The following PTPRO variants were observed in gnomAD, a reference collection of about 807,000 sequenced individuals.
The protein encoded by PTPRO is receptor-type tyrosine-protein phosphatase O.
A neutral mutation model predicts 145.2 loss-of-function variants in PTPRO; 62 were observed. The observed-to-expected ratio is 0.43, with a 90% CI of 0.35 to 0.53. PTPRO has a LOEUF of 0.53. Among genes scored for constraint, PTPRO ranks in the 20% least tolerant of loss-of-function variants. The probability of loss-of-function intolerance (pLI) is 0.01; values close to 1 mark genes in which losing one functional copy is unlikely to be tolerated. For synonymous variants in PTPRO, 565 were observed against 514.7 expected (o/e 1.10, Z -1.32); for missense variants, 1,345 against 1,482.7 (o/e 0.91, Z 1.53).
intron 2 of PTPRO, among the ~76,000 whole-genome samples, chr12:15,489,364 G>C (rs1269000403): frequency 6.6e-6 from 1 of 152,170 alleles, no homozygotes; most frequent in Non-Finnish European, 1.5e-5. Context: ...TCCATAAGCA[G>C]AGCAGCCCAA....
At chr12:15,586,179 A>T (rs1944426103) in intron 23 of PTPRO, among the ~76,000 whole-genome samples, 1 of 152,230 alleles carries the variant, frequency 6.6e-6, no homozygotes, top group Non-Finnish European at 1.5e-5. Context: ...GCCCAAGACA[A>T]GGATTCTCAT....
chr12:15,578,718 T>C, intron 19 of PTPRO, 135 bp from the exon 20 acceptor site: 1 of 712,216 alleles, frequency 1.4e-6, no homozygotes, highest in Non-Finnish European at 2.5e-6. Flanking sequence ...GATAGTGGGG[T>C]GGAGTACCTT....
At position 15,560,251 on chromosome 12, in the gene PTPRO, C is replaced by A. The variant is rs550180635; in HGVS notation, c.2686C>A (p.Leu896Ile). 6.3e-7 allele frequency: 1 copy of A among 1,589,568 alleles called. No homozygotes were observed. The highest frequency in any genetic ancestry group is 1.7e-5 in the Admixed American group (1 of 59,958). The part of the protein sequence containing the change: ...LLPSCLWTDY[L>I]LAFYINPWSK... Reference sequence around the variant, plus strand: ...ACCCTCATGTCTTTGGACTGATTATCTTTTGGCATTTTATATTAATCCTTG... The same window carrying A: ...ACCCTCATGTCTTTGGACTGATTATATTTTGGCATTTTATATTAATCCTTG... The change falls in exon 17 of 27, where the codon CTT becomes ATT. Residue 896 changes from leucine to isoleucine, a missense_variant. Coordinates refer to ENST00000281171, the MANE Select transcript of PTPRO (RefSeq NM_030667.3).
At chr12:15,391,011 C>A (rs1219191553) in intron 1 of PTPRO, among the ~76,000 whole-genome samples, 1 of 152,136 alleles carries the variant, frequency 6.6e-6, no homozygotes, top group African/African-American at 2.4e-5. Context: ...GTAAGCTATC[C>A]AGTCTCTTCT....
Position 15,580,608 on chromosome 12 carries a change from A to G in PTPRO, c.2998-89A>G, listed in dbSNP as rs929086498. 20 of 1,532,846 alleles carry G rather than the reference A, an allele frequency of 1.3e-5. No homozygotes were observed. In the East Asian group the frequency reaches 4.3e-4, roughly 33 times the overall value. 95.0% of individuals were successfully genotyped at this position (1,532,846 alleles called of 1,614,324 possible). A position where few individuals can be genotyped will look rare whatever the true frequency, so the allele number is the denominator to read the frequency against. ...ATCCTTTGCCAATTTTATCACCAGT[A>G]AGTTTTCAGTTTTTTTCCCATAGGC... On this transcript the variant is annotated intron_variant, in intron 21 of 26. Coordinates refer to ENST00000281171, the MANE Select transcript of PTPRO (RefSeq NM_030667.3).
chr12:15,591,280 A>G (rs1944545826), intron 25 of PTPRO, among the ~76,000 whole-genome samples: 1 of 152,110 alleles, frequency 6.6e-6, no homozygotes, highest in African/African-American at 2.4e-5. Context: ...CTGAGGCAAG[A>G]GAGTTGCTTG....
intron 19 of PTPRO, among the ~76,000 whole-genome samples, chr12:15,575,799 A>G (rs1228095020): frequency 6.6e-6 from 1 of 152,160 alleles, no homozygotes; most frequent in Admixed American, 6.5e-5. Context: ...CTAGGGAAGA[A>G]TTTTTCTTTG....
Position 15,557,460 on chromosome 12 carries a change from G to T in PTPRO, c.2564G>T (p.Cys855Phe). ...TTGTGGTTCCTTTAAAACAGGGAGT[G>T]TGGAGCTGGTACATTTGTCAATTTT... ...RKKHLQMARE[C>F]GAGTFVNFAS... The change falls in exon 16 of 27, where the codon TGT (cysteine) becomes TTT (phenylalanine). Residue 855 changes from cysteine to phenylalanine, a missense_variant. This residue lies in a region of PTPRO where 1,130 missense variants were observed against 1,214.7 expected (regional missense o/e 0.93). Transcript: ENST00000281171. The T allele has an allele frequency of 6.2e-7, 1 of 1,613,768 alleles. No homozygotes were observed. Among genetic ancestry groups the T allele is most frequent in the South Asian group, 1.1e-5 (1 of 91,070 alleles).
chr12:15,415,294 C>T (rs780658971), intron 1 of PTPRO, among the ~76,000 whole-genome samples: 4 of 152,168 alleles, frequency 2.6e-5, no homozygotes, highest in Non-Finnish European at 5.9e-5. Context: ...ATCAGCAGCT[C>T]ACATAAGAAA....
At chr12:15,572,262 C>T (rs948955571) in intron 19 of PTPRO, among the ~76,000 whole-genome samples, 6 of 152,150 alleles carry the variant, frequency 3.9e-5, no homozygotes, top group African/African-American at 1.4e-4. Context: ...TGGATTGAAA[C>T]TGCCCAGGCA....
At chr12:15,366,139 C>T (rs2136250244) in intron 1 of PTPRO, among the ~76,000 whole-genome samples, 1 of 152,156 alleles carries the variant, frequency 6.6e-6, no homozygotes, top group South Asian at 2.1e-4. Context: ...ACAAATATCA[C>T]AAAAAAACTT....
At chr12:15,430,393 C>T (rs1285238631) in intron 1 of PTPRO, among the ~76,000 whole-genome samples, 2 of 152,036 alleles carry the variant, frequency 1.3e-5, no homozygotes, top group Non-Finnish European at 2.9e-5. Context: ...CAGGCAAATT[C>T]CTCCTTGACT....
chr12:15,497,111 A>G lies in PTPRO; in HGVS notation c.350-134A>G. 4.0e-6 allele frequency: 3 copies of G among 756,522 alleles called. No homozygotes were observed. In the South Asian group the frequency reaches 4.6e-5, roughly 11 times the overall value. 46.9% of individuals were successfully genotyped at this position (756,522 alleles called of 1,614,324 possible). ...AACATTCAATTCATGGTTACTGAGG[A>G]GTTTAGTGCCCACAGACAGTGAAAA... On this transcript the variant is annotated intron_variant, in intron 2 of 26. Transcript: ENST00000281171.
At chr12:15,470,646 T>C (rs921044103) in intron 1 of PTPRO, among the ~76,000 whole-genome samples, 1 of 152,210 alleles carries the variant, frequency 6.6e-6, no homozygotes, top group African/African-American at 2.4e-5. Flanking sequence ...CATTATTATA[T>C]ATATTGAACT....
chr12:15,498,861 A>C (rs1317014238), intron 3 of PTPRO, among the ~76,000 whole-genome samples: 1 of 152,202 alleles, frequency 6.6e-6, no homozygotes, highest in Non-Finnish European at 1.5e-5. Flanking sequence ...CAATTCAATA[A>C]GTGGTACTTT....
intron 1 of PTPRO, among the ~76,000 whole-genome samples, chr12:15,477,425 G>A (rs1037177153): frequency 2.7e-5 from 4 of 150,336 alleles, no homozygotes; most frequent in South Asian, 2.1e-4. Context: ...TGGGCGCAGC[G>A]CACCAGCATG....
rs1944664079 is a variant in PTPRO, at chr12:15,596,570, T to G, written c.*497T>G. On this transcript the variant is annotated 3_prime_UTR_variant, in exon 27 of 27. Coordinates refer to ENST00000281171, the MANE Select transcript of PTPRO (RefSeq NM_030667.3). ...TATTAAAAGGAGGCATGGCCACACATGAAGAAATGGTCATTCTACTTCAAA... is the reference window on the plus strand; with the variant it reads ...TATTAAAAGGAGGCATGGCCACACAGGAAGAAATGGTCATTCTACTTCAAA... 6.6e-6 allele frequency: 1 copy of G among 152,622 alleles called. No individual in the cohort carries two copies. 9.5% of individuals were successfully genotyped at this position (152,622 alleles called of 1,614,324 possible). A position where few individuals can be genotyped will look rare whatever the true frequency, so the allele number is the denominator to read the frequency against.
At chr12:15,429,939 T>A (rs982167909) in intron 1 of PTPRO, among the ~76,000 whole-genome samples, 6 of 151,884 alleles carry the variant, frequency 4.0e-5, no homozygotes, top group Admixed American at 3.9e-4. Flanking sequence ...CATTTCCAGA[T>A]TGTACAAATG....
chr12:15,569,484 T>C lies in PTPRO; in HGVS notation c.2815T>C (p.Ser939Pro), dbSNP rs1200406161. 2 of 1,612,946 alleles carry C rather than the reference T, an allele frequency of 1.2e-6. No homozygotes were observed. Among genetic ancestry groups the C allele is most frequent in the Non-Finnish European group, 1.7e-6 (2 of 1,179,006 alleles). Residue 939 changes from serine (S) to proline (P), a missense_variant, in exon 19 of 27, where the codon TCT becomes CCT. Ser to Pro is a moderately conservative substitution (Grantham distance 74). Coordinates refer to ENST00000281171, the MANE Select transcript of PTPRO (RefSeq NM_030667.3). ...GGCCAAAGACTCTGACTATAAATTTTCTCTTCAGTTTGAGGTGAGTTGGTT... is the reference window on the plus strand; with the variant it reads ...GGCCAAAGACTCTGACTATAAATTTCCTCTTCAGTTTGAGGTGAGTTGGTT... ...DMAKDSDYKF[S>P]LQFEELKLIG...
Sources: gnomAD v4.1 joint callset for allele counts (sites outside exome capture counted in the v4.1 genomes callset) on GRCh38, gnomAD v4.1.1 for gene constraint, gnomAD v4.1.1 regional missense constraint, MANE v1.5 for transcripts, NCBI Gene and HGNC (gene_info 2026-07-23, HGNC 2026-07-21) for gene names.